CAST: variants seen among roughly 807,000 people sequenced by gnomAD.
CAST encodes the protein MIR583 host.
CAST carries 76 observed loss-of-function variants against 119.6 expected under a neutral mutation model. The observed-to-expected ratio is 0.64, with a 90% CI of 0.53 to 0.77. The LOEUF is 0.77. CAST is among the 30% of genes least tolerant of loss of function. CAST has a pLI of 0.00. For missense variants in CAST, 953 were observed against 946.5 expected (o/e 1.01, Z -0.09); for synonymous variants, 319 against 331.6 (o/e 0.96, Z 0.41).
the CAST span, among the ~76,000 whole-genome samples, chr5:95,995,796 C>T: frequency 1.3e-5 from 2 of 151,964 alleles, no homozygotes; most frequent in African/African-American, 4.8e-5. Flanking sequence ...CATCCCTGTC[C>T]ACTCCAAACA....
At chr5:96,094,246 G>A in the CAST span, among the ~76,000 whole-genome samples, 1 of 152,202 alleles carries the variant, frequency 6.6e-6, no homozygotes, top group Non-Finnish European at 1.5e-5. Context: ...ATGTAGTCAT[G>A]TTGATCCACC....
intron 11 of CAST, among the ~76,000 whole-genome samples, 174 bp from the exon 12 acceptor site, chr5:96,739,864 T>C (rs139323804): frequency 1.2e-3 from 185 of 152,362 alleles, no homozygotes; most frequent in Non-Finnish European, 2.1e-3. Context: ...AATATGGGTA[T>C]TTGTGTAAAC....
At chr5:96,477,195 G>A in the CAST span, among the ~76,000 whole-genome samples, 1 of 151,358 alleles carries the variant, frequency 6.6e-6, no homozygotes, top group South Asian at 2.1e-4. Flanking sequence ...AACTTGCAGG[G>A]CTTCCTTGGT....
intron 20 of CAST, among the ~76,000 whole-genome samples, chr5:96,751,791 G>T (rs1212604593): frequency 6.6e-6 from 1 of 152,196 alleles, no homozygotes; most frequent in Non-Finnish European, 1.5e-5. Context: ...GACTGCCCGG[G>T]CTTTAGAGGG....
At chr5:96,672,706 CAAAAA>C (rs11427288) in intron 1 of CAST, among the ~76,000 whole-genome samples, 2 of 59,168 alleles carry the variant, frequency 3.4e-5, no homozygotes, top group East Asian at 4.8e-4. Context: ...GACTCAGTCT[CAAAAA>C]AAAAAAAAAA....
At chr5:96,380,330 T>G in the CAST span, among the ~76,000 whole-genome samples, 1 of 152,182 alleles carries the variant, frequency 6.6e-6, no homozygotes, top group Non-Finnish European at 1.5e-5. Flanking sequence ...GCAGTAAAAA[T>G]TAAATATAGA....
the CAST span, among the ~76,000 whole-genome samples, chr5:96,270,614 C>T: frequency 6.6e-6 from 1 of 152,022 alleles, no homozygotes; most frequent in African/African-American, 2.4e-5. Context: ...GAACAGAAAA[C>T]CAAACACCAC....
At chr5:96,479,106 C>T in the CAST span, among the ~76,000 whole-genome samples, 1 of 152,246 alleles carries the variant, frequency 6.6e-6, no homozygotes, top group South Asian at 2.1e-4. Context: ...ATCAGGTCTC[C>T]CAGTCATCCA....
chr5:96,645,438 GCATGCCCAA>G (rs1748002383), intron 1 of CAST, among the ~76,000 whole-genome samples: 1 of 152,090 alleles, frequency 6.6e-6, no homozygotes, highest in Non-Finnish European at 1.5e-5. Flanking sequence ...TAAGTCCAGT[GCATGCCCAA>G]ATAATTTTTA....
chr5:96,206,870 C>T, the CAST span, among the ~76,000 whole-genome samples: 3 of 152,116 alleles, frequency 2.0e-5, no homozygotes, highest in African/African-American at 7.2e-5. Flanking sequence ...ATAGGAATAG[C>T]ATTGAATCTG....
the CAST span, among the ~76,000 whole-genome samples, chr5:96,444,886 A>G: frequency 2.0e-5 from 3 of 152,122 alleles, no homozygotes; most frequent in African/African-American, 4.8e-5. Context: ...GCTAGATCAC[A>G]GTTGAGAGCG....
chr5:96,755,347 G>T lies in CAST; in HGVS notation c.1710+606G>T, dbSNP rs145970338. Among the ~76,000 whole-genome samples the T allele has an allele frequency of 4.1e-3, 625 of 151,312 alleles. 10 individuals are homozygous for T. The highest frequency in any genetic ancestry group is 8.3e-3 in the East Asian group (43 of 5,152). On this transcript the variant is annotated intron_variant, in intron 22 of 31. Coordinates refer to ENST00000675179, the MANE Select transcript of CAST (RefSeq NM_001750.7). ...GAGCGAGACCCTAACTCAAAAAGAA[G>T]TAAAAAATGAAAAAAAATAAAATAA...
chr5:96,264,882 T>C, the CAST span, among the ~76,000 whole-genome samples: 1 of 152,254 alleles, frequency 6.6e-6, no homozygotes, highest in East Asian at 1.9e-4. Context: ...TTTACCTTCA[T>C]AGTTGCAGAG....
chr5:96,619,703 A>G (rs1747557291), intron 1 of CAST, among the ~76,000 whole-genome samples: 1 of 152,290 alleles, frequency 6.6e-6, no homozygotes, highest in Middle Eastern at 3.4e-3. Flanking sequence ...ACGCATCCAA[A>G]CATCAGAATA....
the CAST span, among the ~76,000 whole-genome samples, chr5:96,449,349 C>T: frequency 6.6e-6 from 1 of 152,292 alleles, no homozygotes; most frequent in South Asian, 2.1e-4. Context: ...CAACCATGCC[C>T]ACCTGAGCTC....
chr5:96,618,352 C>G (rs761621049), intron 1 of CAST, among the ~76,000 whole-genome samples: 1 of 152,228 alleles, frequency 6.6e-6, no homozygotes, highest in Admixed American at 6.5e-5. Context: ...GATGTGACAA[C>G]GTGCTAGCAG....
At chr5:96,508,423 C>T in the CAST span, among the ~76,000 whole-genome samples, 25 of 152,110 alleles carry the variant, frequency 1.6e-4, no homozygotes, top group East Asian at 1.5e-3. Flanking sequence ...ATTGTAGCTA[C>T]GATTATAATA....
the CAST span, among the ~76,000 whole-genome samples, chr5:96,298,048 A>G: frequency 3.3e-5 from 5 of 152,326 alleles, no homozygotes; most frequent in East Asian, 7.7e-4. Context: ...CTGTTGCCAC[A>G]TGGTATTTGC....
chr5:96,619,726 C>T (rs915925752), intron 1 of CAST, among the ~76,000 whole-genome samples: 3 of 150,662 alleles, frequency 2.0e-5, no homozygotes, highest in African/African-American at 7.5e-5. Flanking sequence ...AAACTCCAGG[C>T]ACACCATCTT....
Sources: gnomAD v4.1 joint callset for allele counts (sites outside exome capture counted in the v4.1 genomes callset) on GRCh38, gnomAD v4.1.1 for gene constraint, MANE v1.5 for transcripts, NCBI Gene and HGNC (gene_info 2026-07-23, HGNC 2026-07-21) for gene names.